Variants in PIGN observed in about 807,000 individuals in gnomAD.
PIGN encodes the protein GPI ethanolamine phosphate transferase 1.
PIGN carries 117 observed loss-of-function variants against 125.4 expected under a neutral mutation model. That is an observed-to-expected ratio of 0.93 (90% CI 0.80 to 1.09). The LOEUF (loss-of-function observed/expected upper bound fraction) is 1.09. PIGN is among the 50% of genes least tolerant of loss of function. The probability of loss-of-function intolerance (pLI) is 0.00; values close to 1 mark genes in which losing one functional copy is unlikely to be tolerated. For missense variants in PIGN, 1,075 were observed against 1,094.9 expected, an observed-to-expected ratio of 0.98 and a Z score of 0.26; for synonymous variants, 392 against 377.8, an observed-to-expected ratio of 1.04 and a Z score of -0.44.
In PIGN at chr18:62,084,454, A is replaced by G. The variant is rs2033592385; in HGVS notation, c.2502+77T>C. 1.1e-5 allele frequency: 10 copies of G among 910,800 alleles called. No homozygotes were observed. In the South Asian group the frequency reaches 1.7e-4, roughly 15 times the overall value. 56.4% of individuals were successfully genotyped at this position (910,800 alleles called of 1,614,324 possible). On this transcript the variant is annotated intron_variant, in intron 27 of 30. Coordinates refer to ENST00000640252, the MANE Select transcript of PIGN (RefSeq NM_176787.5). Reference sequence around the variant, plus strand: ...GAAAGGATATCTTCTTTCCATTGCTACTTAACTCTGTCTAAATGACTTTAT... The same window carrying G: ...GAAAGGATATCTTCTTTCCATTGCTGCTTAACTCTGTCTAAATGACTTTAT...
chr18:62,186,621 C>A (rs748778916), intron 1 of PIGN, among the ~76,000 whole-genome samples: 29 of 152,198 alleles, frequency 1.9e-4, no homozygotes, highest in Admixed American at 5.9e-4. Context: ...GTCGTGCTGT[C>A]GCTAGGCCTC....
chr18:62,159,252 TAAC>T (rs1271715396), intron 4 of PIGN, among the ~76,000 whole-genome samples: 1 of 151,924 alleles, frequency 6.6e-6, no homozygotes, highest in Non-Finnish European at 1.5e-5. Flanking sequence ...TCAAAACAAA[TAAC>T]AACAACAAAA....
At chr18:62,141,328 AC>A (rs1160450502) in intron 11 of PIGN, among the ~76,000 whole-genome samples, 6 of 152,362 alleles carry the variant, frequency 3.9e-5, no homozygotes, top group Admixed American at 2.0e-4. Flanking sequence ...CTTATAAAGT[AC>A]CTGGCACATA....
chr18:62,101,028 A>T, intron 22 of PIGN, 47 bp downstream of exon 22: 2 of 946,080 alleles, frequency 2.1e-6, no homozygotes, highest in Non-Finnish European at 3.5e-6. Context: ...TTTTAAAATA[A>T]CTAAGTTGAT....
At chr18:62,129,713 G>C (rs2035663849) in intron 14 of PIGN, among the ~76,000 whole-genome samples, 1 of 152,068 alleles carries the variant, frequency 6.6e-6, no homozygotes, top group Non-Finnish European at 1.5e-5. Context: ...ATAGTGCCTG[G>C]GACACAGTAG....
intron 30 of PIGN, among the ~76,000 whole-genome samples, chr18:62,053,732 TCAACACTATCAAA>T (rs2145197162): frequency 6.6e-6 from 1 of 152,220 alleles, no homozygotes; most frequent in East Asian, 1.9e-4. Flanking sequence ...AATACAGAAC[TCAACACTATCAAA>T]CAACAAGATT....
chr18:62,070,512 A>T (rs1042359836), intron 30 of PIGN: 7 of 398,396 alleles, frequency 1.8e-5, no homozygotes, highest in African/African-American at 1.2e-4. Context: ...GTTGCCTAAG[A>T]GGTATCAACA....
chr18:62,137,057 G>A (rs2035959087), intron 14 of PIGN: 1 of 398,542 alleles, frequency 2.5e-6, no homozygotes, highest in African/African-American at 2.1e-5. Flanking sequence ...AGTCAGTGGA[G>A]TGGGAGAAGC....
intron 28 of PIGN, among the ~76,000 whole-genome samples, chr18:62,079,030 T>C (rs1477812810): frequency 6.6e-6 from 1 of 152,210 alleles, no homozygotes; most frequent in African/African-American, 2.4e-5. Flanking sequence ...CCTGCCAACC[T>C]GTTCAACTTT....
Position 62,074,789 on chromosome 18 carries a change from A to G in PIGN, c.2609T>C (p.Ile870Thr), listed in dbSNP as rs746633887. 3.1e-6 allele frequency: 5 copies of G among 1,605,404 alleles called. No homozygotes were observed. Among genetic ancestry groups the G allele is most frequent in the Non-Finnish European group, 3.4e-6 (4 of 1,173,100 alleles). ...LFLIVLVISD[I>T]MALHFFFLVK... ...CCAGTAATGCCTTACCAAAGCCATA[A>G]TGTCTGATATGACGAGAACAATGAG... Residue 870 changes from isoleucine (I) to threonine (T), a missense_variant, in exon 29 of 31, where the codon ATT (isoleucine) becomes ACT (threonine). Transcript: ENST00000640252.
Position 62,065,691 on chromosome 18 carries a change from G to A in PIGN, c.2672+6982C>T, listed in dbSNP as rs149137927. Among the ~76,000 whole-genome samples the A allele has an allele frequency of 9.7e-3, 1,474 of 152,056 alleles. 47 individuals are homozygous for A. The highest frequency in any genetic ancestry group is 0.07 in the East Asian group (361 of 5,170). On this transcript the variant is annotated intron_variant, in intron 30 of 30. Transcript: ENST00000640252. Reference sequence around the variant, plus strand: ...GAGACAGAGCTTGTGAGCCGAGATCGCGCCACTGCACTCCAGCCTGGGTGA... The same window carrying A: ...GAGACAGAGCTTGTGAGCCGAGATCACGCCACTGCACTCCAGCCTGGGTGA...
At chr18:62,137,359 C>T (rs2147118500) in intron 14 of PIGN, 1 of 378,218 alleles carries the variant, frequency 2.6e-6, no homozygotes, top group Non-Finnish European at 4.7e-6. Context: ...CTTTACTCCT[C>T]ATATTGCAGA....
chr18:62,175,162 G>A (rs1265809211), intron 1 of PIGN, among the ~76,000 whole-genome samples: 2 of 149,646 alleles, frequency 1.3e-5, no homozygotes, highest in South Asian at 4.2e-4. Context: ...AAAGGAACTC[G>A]TGTTTTCACT....
intron 1 of PIGN, among the ~76,000 whole-genome samples, chr18:62,165,858 C>G (rs923729596): frequency 6.6e-6 from 1 of 152,084 alleles, no homozygotes; most frequent in Admixed American, 6.6e-5. Context: ...GAAGTTTAAA[C>G]AGTCGTGTGA....
intron 30 of PIGN, chr18:62,070,390 C>G: frequency 2.5e-6 from 1 of 398,432 alleles, no homozygotes; most frequent in Non-Finnish European, 4.4e-6. Context: ...TTTTACGTAC[C>G]AAGCACGTAT....
intron 7 of PIGN, among the ~76,000 whole-genome samples, chr18:62,149,300 A>G (rs1308982330): frequency 6.6e-6 from 1 of 152,244 alleles, no homozygotes; most frequent in Non-Finnish European, 1.5e-5. Context: ...CATCCTTCTC[A>G]AAAGTATAAA....
chr18:62,050,609 G>A (rs374826875), intron 30 of PIGN, among the ~76,000 whole-genome samples: 16 of 151,452 alleles, frequency 1.1e-4, no homozygotes, highest in Non-Finnish European at 1.6e-4. Context: ...GGCTGAGACA[G>A]TGGGGTTTTC....
intron 23 of PIGN, among the ~76,000 whole-genome samples, chr18:62,091,594 C>T (rs2033963838): frequency 6.6e-6 from 1 of 152,104 alleles, no homozygotes; most frequent in African/African-American, 2.4e-5. Context: ...AGAAAACAAC[C>T]TACATGTCCA....
At chr18:62,184,477 G>A (rs904545650) in intron 1 of PIGN, 2 of 152,036 alleles carry the variant, frequency 1.3e-5, no homozygotes, top group Admixed American at 6.6e-5. Context: ...CATTATTCAC[G>A]AATAACCAAA....
Sources: gnomAD v4.1 joint callset for allele counts (sites outside exome capture counted in the v4.1 genomes callset) on GRCh38, gnomAD v4.1.1 for gene constraint, MANE v1.5 for transcripts, NCBI Gene and HGNC (gene_info 2026-07-23, HGNC 2026-07-21) for gene names.